ELFN2: variants seen among roughly 807,000 people sequenced by gnomAD.
The protein encoded by ELFN2 is protein phosphatase 1 regulatory subunit 29.
In ELFN2, 17 loss-of-function variants were observed where a neutral mutation model predicts 45.5. The ratio of observed to expected loss-of-function variants is 0.37; its 90% CI spans 0.26 to 0.56. The LOEUF is 0.56. ELFN2 is among the 20% of genes least tolerant of loss of function. ELFN2 has a pLI of 0.77. For synonymous variants in ELFN2, 550 were observed against 551.5 expected, an observed-to-expected ratio of 1.00 and a Z score of 0.04; for missense variants, 922 against 1,183.2, an observed-to-expected ratio of 0.78 and a Z score of 3.24.
chr22:37,392,542 T>C (rs915869692), intron 2 of ELFN2, among the ~76,000 whole-genome samples: 2 of 152,070 alleles, frequency 1.3e-5, no homozygotes, highest in Non-Finnish European at 2.9e-5. Flanking sequence ...ATGGTCTCGA[T>C]CTCCTGACCT....
At chr22:37,402,426 T>C (rs1932386407) in intron 2 of ELFN2, among the ~76,000 whole-genome samples, 1 of 152,198 alleles carries the variant, frequency 6.6e-6, no homozygotes, top group Non-Finnish European at 1.5e-5. Context: ...AGACCAGACG[T>C]GCGCCTTGCA....
At chr22:37,416,657 C>T (rs371065407) in intron 2 of ELFN2, among the ~76,000 whole-genome samples, 28 of 152,200 alleles carry the variant, frequency 1.8e-4, no homozygotes, top group African/African-American at 6.5e-4. Context: ...GGTCTGTCCA[C>T]AGGGGCAGGC....
chr22:37,387,066 C>T (rs773625719), intron 2 of ELFN2, among the ~76,000 whole-genome samples: 97 of 152,204 alleles, frequency 6.4e-4, no homozygotes, highest in Non-Finnish European at 8.2e-4. Flanking sequence ...CCGTGGCACA[C>T]GCCAGGCAGG....
intron 1 of ELFN2, among the ~76,000 whole-genome samples, chr22:37,421,733 GAT>G (rs2145692324): frequency 6.6e-6 from 1 of 152,324 alleles, no homozygotes; most frequent in African/African-American, 2.4e-5. Context: ...GTAGCATGTA[GAT>G]GAAAGGAATT....
At chr22:37,342,386 C>T (rs923136347) in intron 2 of ELFN2, among the ~76,000 whole-genome samples, 4 of 152,150 alleles carry the variant, frequency 2.6e-5, no homozygotes, top group Admixed American at 1.3e-4. Context: ...TGTCTCCTGC[C>T]CACCCCCTGT....
chr22:37,381,398 T>C (rs1221034243), intron 2 of ELFN2, among the ~76,000 whole-genome samples: 1 of 152,264 alleles, frequency 6.6e-6, no homozygotes, highest in East Asian at 1.9e-4. Context: ...CAGGAAGTAC[T>C]GATTCCAGGC....
At chr22:37,394,895 G>C (rs886318239) in intron 2 of ELFN2, among the ~76,000 whole-genome samples, 1 of 152,016 alleles carries the variant, frequency 6.6e-6, no homozygotes, top group African/African-American at 2.4e-5. Context: ...ACGAGGTCAG[G>C]AGTTCGAGAC....
At chr22:37,422,802 C>T (rs1157877749) in intron 1 of ELFN2, among the ~76,000 whole-genome samples, 3 of 151,892 alleles carry the variant, frequency 2.0e-5, no homozygotes, top group Non-Finnish European at 4.4e-5. Flanking sequence ...ACCATGTTGG[C>T]CAGGCTGGTC....
At chr22:37,346,977 C>A (rs1490816097) in intron 1 of ELFN2, among the ~76,000 whole-genome samples, 1 of 123,278 alleles carries the variant, frequency 8.1e-6, no homozygotes, top group African/African-American at 3.0e-5. Flanking sequence ...ACCCCATCTT[C>A]ATTATTATTT....
Position 37,374,195 on chromosome 22 carries a change from A to G in ELFN2, c.1340T>C (p.Val447Ala). ...GGCGTGCACAATGGAGCCGGCATCCACATCAGCCCCGTAGCGCATCTCCAG... is the reference window on the plus strand; with the variant it reads ...GGCGTGCACAATGGAGCCGGCATCCGCATCAGCCCCGTAGCGCATCTCCAG... The part of the protein sequence containing the change: ...TILEMRYGAD[V>A]DAGSIVHAAQ... Residue 447 changes from valine to alanine, a missense_variant, in exon 3 of 3, where the codon GTG becomes GCG. By Grantham distance (64) the Val-to-Ala change is moderately conservative. Coordinates refer to ENST00000402918, the MANE Select transcript of ELFN2 (RefSeq NM_052906.5). 6.2e-7 allele frequency: 1 copy of G among 1,613,410 alleles called. No homozygotes were observed. Among genetic ancestry groups the G allele is most frequent in the Non-Finnish European group, 8.5e-7 (1 of 1,179,996 alleles).
intron 1 of ELFN2, among the ~76,000 whole-genome samples, chr22:37,423,301 A>G (rs1932824315): frequency 6.6e-6 from 1 of 152,178 alleles, no homozygotes; most frequent in African/African-American, 2.4e-5. Flanking sequence ...CAGCCAAAGC[A>G]AAGGGCGTCC....
At chr22:37,347,072 C>G (rs761695416) in intron 1 of ELFN2, among the ~76,000 whole-genome samples, 2 of 152,062 alleles carry the variant, frequency 1.3e-5, no homozygotes, top group East Asian at 1.9e-4. Context: ...TCTGCCCCCC[C>G]GGTTCAAGTG....
At chr22:37,416,352 G>A (rs1372495027) in intron 2 of ELFN2, among the ~76,000 whole-genome samples, 2 of 152,154 alleles carry the variant, frequency 1.3e-5, no homozygotes, top group East Asian at 3.9e-4. Context: ...GTGCCTGCTG[G>A]GTGACCTTGG....
intron 1 of ELFN2, among the ~76,000 whole-genome samples, chr22:37,425,870 T>TACACACAC (rs133723): frequency 0.27 from 39,228 of 145,550 alleles, 5,268 homozygotes; most frequent in Non-Finnish European, 0.3. Context: ...CACATACACA[T>TACACACAC]ACACACACAC....
chr22:37,389,831 C>A (rs1313072208), intron 2 of ELFN2, among the ~76,000 whole-genome samples: 1 of 152,170 alleles, frequency 6.6e-6, no homozygotes, highest in Non-Finnish European at 1.5e-5. Context: ...AGCCTAAGGC[C>A]TGGCGCATAG....
At chr22:37,393,395 G>A (rs942668254) in intron 2 of ELFN2, among the ~76,000 whole-genome samples, 3 of 152,240 alleles carry the variant, frequency 2.0e-5, no homozygotes, top group Admixed American at 6.5e-5. Flanking sequence ...TCCTGGCACT[G>A]GCCCATCATC....
chr22:37,355,155 G>A (rs1930918598), intron 1 of ELFN2, among the ~76,000 whole-genome samples: 1 of 152,214 alleles, frequency 6.6e-6, no homozygotes, highest in Non-Finnish European at 1.5e-5. Context: ...CCCTTGGGAT[G>A]GACCAGGTGC....
intron 1 of ELFN2, chr22:37,353,624 A>G (rs1315396830): frequency 1.3e-5 from 2 of 151,150 alleles, no homozygotes. Context: ...GGCATTTCAC[A>G]AAAGAGGACA....
In ELFN2 at chr22:37,376,297, C is replaced by G. The variant is rs535918456; in HGVS notation, c.-462-301G>C. ...GAGAACAGGTGAGCACAGGTGCAGACACACACCCCCAGCACCCTGGAGGCC... is the reference window on the plus strand; with the variant it reads ...GAGAACAGGTGAGCACAGGTGCAGAGACACACCCCCAGCACCCTGGAGGCC... On this transcript the variant is annotated intron_variant, in intron 2 of 2. Transcript: ENST00000402918. Among the ~76,000 whole-genome samples, 118 of 152,138 alleles carry G rather than the reference C, an allele frequency of 7.8e-4. 1 individual carries two copies. Among genetic ancestry groups the G allele is most frequent in the Admixed American group, 1.4e-3 (22 of 15,296 alleles).
Sources: allele counts gnomAD v4.1 joint callset (sites outside exome capture counted in the v4.1 genomes callset), GRCh38; gene constraint gnomAD v4.1.1; transcripts MANE v1.5; gene names NCBI Gene and HGNC (gene_info 2026-07-23, HGNC 2026-07-21).